DLG2: variants seen among roughly 807,000 people sequenced by gnomAD.
DLG2 encodes the protein disks large homolog 2.
In DLG2, 45 loss-of-function variants were observed where a neutral mutation model predicts 132.5. The observed-to-expected ratio is 0.34, with a 90% CI of 0.27 to 0.44. The LOEUF (loss-of-function observed/expected upper bound fraction) is 0.44, where lower values mean the gene tolerates loss of function less well. Ranked by LOEUF, DLG2 falls within the 20% of genes least tolerant of loss-of-function variation. The pLI is 1.00. For missense variants in DLG2, 1,045 were observed against 1,196.9 expected, an observed-to-expected ratio of 0.87 and a Z score of 1.87; for synonymous variants, 424 against 419.6, an observed-to-expected ratio of 1.01 and a Z score of -0.13.
chr11:85,428,540 T>C (rs748967785), intron 3 of DLG2, among the ~76,000 whole-genome samples: 3 of 152,118 alleles, frequency 2.0e-5, no homozygotes, highest in Non-Finnish European at 4.4e-5. Flanking sequence ...GGGTACATAA[T>C]GAAATGAAGG....
intron 3 of DLG2, among the ~76,000 whole-genome samples, chr11:85,291,719 G>C (rs962837030): frequency 6.6e-6 from 1 of 151,834 alleles, no homozygotes; most frequent in African/African-American, 2.4e-5. Flanking sequence ...CAAGTAGCTG[G>C]AATTACAGGT....
chr11:84,890,118 T>C (rs545088848), intron 6 of DLG2, among the ~76,000 whole-genome samples: 13 of 152,364 alleles, frequency 8.5e-5, no homozygotes, highest in Non-Finnish European at 1.3e-4. Flanking sequence ...TTTTATTTTC[T>C]AGATGGCAAA....
chr11:84,444,571 T>C (rs557188400), intron 7 of DLG2, among the ~76,000 whole-genome samples: 1 of 152,150 alleles, frequency 6.6e-6, no homozygotes, highest in African/African-American at 2.4e-5. Flanking sequence ...CCCTGAGTTA[T>C]ATATCTAGAT....
At chr11:83,948,089 C>T (rs1038973982) in intron 14 of DLG2, among the ~76,000 whole-genome samples, 3 of 152,196 alleles carry the variant, frequency 2.0e-5, no homozygotes, top group African/African-American at 7.2e-5. Context: ...TTGACTATCA[C>T]ATTTATTTCA....
At chr11:84,316,608 G>C (rs900006329) in intron 7 of DLG2, among the ~76,000 whole-genome samples, 1 of 152,184 alleles carries the variant, frequency 6.6e-6, no homozygotes, top group African/African-American at 2.4e-5. Context: ...AGAAAAGTCA[G>C]TGAAATAAAC....
intron 4 of DLG2, among the ~76,000 whole-genome samples, chr11:85,204,644 A>T (rs1371800307): frequency 6.6e-6 from 1 of 152,130 alleles, no homozygotes; most frequent in East Asian, 1.9e-4. Context: ...AATCCTTTTT[A>T]AAACATCAAT....
chr11:83,964,144 T>C (rs577462578), intron 13 of DLG2, among the ~76,000 whole-genome samples: 99 of 152,106 alleles, frequency 6.5e-4, no homozygotes, highest in Admixed American at 9.2e-4. Flanking sequence ...TCAATACTTA[T>C]TTGTTAGGTT....
At chr11:84,270,528 T>C (rs1406319136) in intron 7 of DLG2, among the ~76,000 whole-genome samples, 1 of 152,254 alleles carries the variant, frequency 6.6e-6, no homozygotes, top group Non-Finnish European at 1.5e-5. Flanking sequence ...GAATTTTATA[T>C]GGGAGGTTCC....
chr11:83,915,584 C>T (rs2076791569), intron 15 of DLG2, among the ~76,000 whole-genome samples: 1 of 151,926 alleles, frequency 6.6e-6, no homozygotes, highest in African/African-American at 2.4e-5. Flanking sequence ...ATTTGAATAA[C>T]CTTTCATAGA....
intron 6 of DLG2, among the ~76,000 whole-genome samples, chr11:84,833,035 G>T (rs957298820): frequency 1.0e-4 from 15 of 147,560 alleles, no homozygotes; most frequent in South Asian, 4.4e-4. Flanking sequence ...TTTTTAATAA[G>T]CAAAGTCAAA....
chr11:84,102,404 A>G (rs2092605511), intron 9 of DLG2, among the ~76,000 whole-genome samples: 1 of 152,194 alleles, frequency 6.6e-6, no homozygotes, highest in Non-Finnish European at 1.5e-5. Context: ...GTGCCCTAAC[A>G]GGAAGACTCA....
At chr11:84,081,797 AT>A (rs2096907964) in intron 10 of DLG2, among the ~76,000 whole-genome samples, 1 of 152,194 alleles carries the variant, frequency 6.6e-6, no homozygotes, top group South Asian at 2.1e-4. Flanking sequence ...ATGTGTCTTT[AT>A]AGTAGCATGA....
chr11:84,615,632 T>A (rs1291821842), intron 6 of DLG2, among the ~76,000 whole-genome samples: 1 of 151,784 alleles, frequency 6.6e-6, no homozygotes, highest in Admixed American at 6.6e-5. Flanking sequence ...ATCATTTTTT[T>A]TAGGGGTCAT....
intron 4 of DLG2, among the ~76,000 whole-genome samples, chr11:85,276,374 G>C (rs916153672): frequency 2.6e-5 from 4 of 152,078 alleles, no homozygotes; most frequent in African/African-American, 9.7e-5. Flanking sequence ...AAATGGGCAA[G>C]CAATCAACCC....
At chr11:83,894,617 T>C (rs1197144459) in intron 15 of DLG2, among the ~76,000 whole-genome samples, 2 of 152,204 alleles carry the variant, frequency 1.3e-5, no homozygotes, top group East Asian at 3.8e-4. Context: ...GGGATATCTA[T>C]CGCCTCAACC....
intron 6 of DLG2, among the ~76,000 whole-genome samples, chr11:84,743,173 A>G (rs949890187): frequency 2.6e-5 from 4 of 152,314 alleles, no homozygotes; most frequent in Admixed American, 6.5e-5. Context: ...TATATTTTAC[A>G]TAACTATAGA....
chr11:84,355,424 C>T (rs1001395952), intron 7 of DLG2, among the ~76,000 whole-genome samples: 28 of 151,986 alleles, frequency 1.8e-4, no homozygotes, highest in African/African-American at 6.8e-4. Flanking sequence ...GGAATTAGTG[C>T]CATTATAAAA....
chr11:85,298,550 C>T (rs937513907), intron 3 of DLG2, among the ~76,000 whole-genome samples: 10 of 152,012 alleles, frequency 6.6e-5, no homozygotes, highest in Non-Finnish European at 1.2e-4. Flanking sequence ...GAGAGTCTGC[C>T]CCAGAATTAA....
intron 6 of DLG2, among the ~76,000 whole-genome samples, chr11:84,991,523 A>AAAGAAAG (rs55954274): frequency 1.4e-4 from 16 of 116,328 alleles, no homozygotes; most frequent in Admixed American, 3.8e-4. Context: ...AAAAAAAAAA[A>AAAGAAAG]AAAGAAAGAA....
Sources: gnomAD v4.1 joint callset for allele counts (sites outside exome capture counted in the v4.1 genomes callset) on GRCh38, gnomAD v4.1.1 for gene constraint, MANE v1.5 for transcripts, NCBI Gene and HGNC (gene_info 2026-07-23, HGNC 2026-07-21) for gene names.